AGGF1: variants seen among roughly 807,000 people sequenced by gnomAD.
The protein encoded by AGGF1 is angiogenic factor with G-patch and FHA domains 1.
AGGF1 carries 56 observed loss-of-function variants against 86.5 expected under a neutral mutation model. That is an observed-to-expected ratio of 0.65 (90% confidence interval 0.52 to 0.81). The LOEUF (loss-of-function observed/expected upper bound fraction) is 0.81. Among genes scored for constraint, AGGF1 ranks in the 30% least tolerant of loss-of-function variants. The probability of loss-of-function intolerance (pLI) is 0.00; values close to 1 mark genes in which losing one functional copy is unlikely to be tolerated. For synonymous variants in AGGF1, 313 were observed against 297.1 expected (o/e 1.05, Z -0.55); for missense variants, 816 against 850.9 (o/e 0.96, Z 0.51).
intron 5 of AGGF1, among the ~76,000 whole-genome samples, chr5:77,044,448 A>G (rs537340459): frequency 2.6e-5 from 4 of 152,318 alleles, no homozygotes; most frequent in African/African-American, 9.6e-5. Context: ...GGTGAAGGTT[A>G]TGTGGAAGGA....
chr5:77,058,682 T>C (rs1481370854), intron 11 of AGGF1, among the ~76,000 whole-genome samples: 1 of 152,228 alleles, frequency 6.6e-6, no homozygotes, highest in East Asian at 1.9e-4. Flanking sequence ...CGTACCTTCC[T>C]TGAGTTGCTC....
At chr5:77,056,230 T>C (rs1441070529) in intron 11 of AGGF1, among the ~76,000 whole-genome samples, 2 of 142,748 alleles carry the variant, frequency 1.4e-5, no homozygotes, top group African/African-American at 2.6e-5. Context: ...AGTGGTCTTT[T>C]TTTTTTTTTT....
intron 3 of AGGF1, 85 bp from the exon 4 acceptor site, chr5:77,036,471 A>G: frequency 7.3e-7 from 1 of 1,365,916 alleles, no homozygotes; most frequent in Non-Finnish European, 1.0e-6. Flanking sequence ...TTACTTAAAC[A>G]TAGTCTCAGG....
rs1212820358 is a variant in AGGF1 at position 77,039,601 on chromosome 5, A to C, written c.752A>C (p.Gln251Pro). ...TGTGATGTGGAAAGTGGTCGTTATC[A>C]GTTTCATTCTCGAGTAGATTTGCAA... ...YYCDVESGRYQFHSRVDLQPY... is the reference protein window; with the variant it reads ...YYCDVESGRYPFHSRVDLQPY... Residue 251 changes from glutamine to proline, a missense_variant, in exon 5 of 14, where the codon CAG becomes CCG. Physicochemically the swap from Gln to Pro is moderately conservative, Grantham distance 76. Around this residue, in one of 3 missense-constraint regions of AGGF1, gnomAD observed 565 missense variants for 585.8 expected, o/e 0.96. Coordinates refer to ENST00000312916, the MANE Select transcript of AGGF1 (RefSeq NM_018046.5). The C allele has an allele frequency of 6.2e-7, 1 of 1,613,164 alleles. No individual in the cohort carries two copies. The highest frequency in any genetic ancestry group is 1.3e-5 in the African/African-American group (1 of 74,902).
intron 11 of AGGF1, among the ~76,000 whole-genome samples, chr5:77,059,089 T>C (rs76623763): frequency 0.092 from 14,007 of 152,206 alleles, 856 homozygotes; most frequent in South Asian, 0.25. Flanking sequence ...CTTGGAACTT[T>C]CAGTTCCTTA....
intron 11 of AGGF1, 40 bp downstream of exon 11, chr5:77,055,636 A>G: frequency 7.0e-7 from 1 of 1,426,866 alleles, no homozygotes; most frequent in South Asian, 1.2e-5. Context: ...TAAGCTGTAT[A>G]TCTGGTTTTG....
Position 77,058,623 on chromosome 5 carries a change from C to T in AGGF1, c.1717-993C>T, listed in dbSNP as rs370218414. 1.4e-4 allele frequency among the ~76,000 whole-genome samples: 22 copies of T among 152,232 alleles called. No individual in the cohort carries two copies. In the East Asian group the frequency reaches 4.2e-3, roughly 29 times the overall value. ...GAAAAACTTACTAGGATAGATAGTT[C>T]TATATTTTTCTTCTCTTTTTAAAAG... On this transcript the variant is annotated intron_variant, in intron 11 of 13. Coordinates refer to ENST00000312916, the MANE Select transcript of AGGF1 (RefSeq NM_018046.5).
intron 5 of AGGF1, among the ~76,000 whole-genome samples, chr5:77,043,704 G>C (rs1159241266): frequency 1.4e-5 from 2 of 141,634 alleles, no homozygotes; most frequent in Admixed American, 6.9e-5. Flanking sequence ...CCTCCCGGAC[G>C]GGGTGGCTGC....
chr5:77,048,298 A>G, intron 7 of AGGF1, 26 bp downstream of exon 7: 1 of 1,484,816 alleles, frequency 6.7e-7, no homozygotes, highest in African/African-American at 1.4e-5. Flanking sequence ...TTATTATATC[A>G]TTCTTTCAGT....
At chr5:77,044,807 C>T (rs986998693) in intron 5 of AGGF1, among the ~76,000 whole-genome samples, 5 of 151,992 alleles carry the variant, frequency 3.3e-5, no homozygotes, top group South Asian at 2.1e-4. Context: ...GCTGAACTTA[C>T]GCTGTTATCA....
intron 5 of AGGF1, among the ~76,000 whole-genome samples, chr5:77,040,438 C>G (rs889646252): frequency 2.8e-4 from 41 of 148,122 alleles, no homozygotes; most frequent in Admixed American, 2.4e-3. Context: ...AAAAAAAAAT[C>G]CATTGCTGAC....
Position 77,063,455 on chromosome 5 carries a change from A to G in AGGF1, c.*203A>G. On this transcript the variant is annotated 3_prime_UTR_variant, in exon 14 of 14. Coordinates refer to ENST00000312916, the MANE Select transcript of AGGF1 (RefSeq NM_018046.5). The stretch of plus-strand genomic sequence containing the variant: ...GTGACTGAACCAATTTATGCAGTAA[A>G]TAGACTAAAGTTCACAGGGCACGGA... 3.4e-6 allele frequency: 2 copies of G among 590,200 alleles called. No individual in the cohort carries two copies. Among genetic ancestry groups the G allele is most frequent in the East Asian group, 3.0e-5 (1 of 33,308 alleles). The allele number at this position is 590,200 out of a possible 1,614,324, so 36.6% of individuals were successfully genotyped here.
chr5:77,035,844 T>A, intron 3 of AGGF1, 101 bp downstream of exon 3: 1 of 993,650 alleles, frequency 1.0e-6, no homozygotes, highest in Non-Finnish European at 1.6e-6. Flanking sequence ...TCACAGCATA[T>A]ATAAGGGTTA....
intron 1 of AGGF1, among the ~76,000 whole-genome samples, chr5:77,032,125 T>C (rs1319881620): frequency 1.3e-5 from 2 of 151,910 alleles, no homozygotes; most frequent in East Asian, 1.9e-4. Context: ...AAAATAACTG[T>C]TGAGTTGCAA....
chr5:77,046,734 A>G (rs752596809), intron 6 of AGGF1, 57 bp downstream of exon 6: 150 of 1,458,844 alleles, frequency 1.0e-4, no homozygotes, highest in Non-Finnish European at 1.4e-4. Flanking sequence ...ATAAAAGAGC[A>G]AAACCATTAA....
At chr5:77,035,424 T>C in intron 2 of AGGF1, 117 bp from the exon 3 acceptor site, 2 of 775,196 alleles carry the variant, frequency 2.6e-6, no homozygotes, top group Non-Finnish European at 4.2e-6. Flanking sequence ...GTTGTAAAAA[T>C]CATGATTTAT....
chr5:77,057,310 A>ATTTT (rs970859241), intron 11 of AGGF1, among the ~76,000 whole-genome samples: 1 of 150,236 alleles, frequency 6.7e-6, no homozygotes, highest in Non-Finnish European at 1.5e-5. Context: ...TGTTCATTGC[A>ATTTT]TTTTTTTTTT....
At chr5:77,061,855 T>C (rs1485985862) in intron 13 of AGGF1, 53 bp downstream of exon 13, 1 of 1,519,692 alleles carries the variant, frequency 6.6e-7, no homozygotes, top group East Asian at 2.3e-5. Context: ...ACATTTACCG[T>C]GTACATTAAT....
At chr5:77,043,683 C>A in intron 5 of AGGF1, among the ~76,000 whole-genome samples, 1 of 143,784 alleles carries the variant, frequency 7.0e-6, no homozygotes, top group South Asian at 2.2e-4. Flanking sequence ...GGGGCTGATC[C>A]CCCCCACCTC....
Sources: allele counts gnomAD v4.1 joint callset (sites outside exome capture counted in the v4.1 genomes callset), GRCh38; gene constraint gnomAD v4.1.1; regional missense constraint gnomAD v4.1.1; transcripts MANE v1.5; gene names NCBI Gene and HGNC (gene_info 2026-07-23, HGNC 2026-07-21).